Variants in CFH observed in about 807,000 individuals in gnomAD.
CFH encodes the protein complement factor H.
Under a neutral mutation model 147.3 loss-of-function variants are expected in CFH, and 53 were observed. The ratio of observed to expected loss-of-function variants is 0.36; its 90% confidence interval spans 0.29 to 0.45. The LOEUF is 0.45. Among genes scored for constraint, CFH ranks in the 20% least tolerant of loss-of-function variants. The probability of loss-of-function intolerance (pLI) is 1.00; values close to 1 mark genes in which losing one functional copy is unlikely to be tolerated. For synonymous variants in CFH, 536 were observed against 489.4 expected, an observed-to-expected ratio of 1.10 and a Z score of -1.26; for missense variants, 1,380 against 1,498.0, an observed-to-expected ratio of 0.92 and a Z score of 1.30.
At chr1:196,684,342 G>A (rs1289713082) in intron 6 of CFH, among the ~76,000 whole-genome samples, 2 of 151,902 alleles carry the variant, frequency 1.3e-5, no homozygotes, top group African/African-American at 2.4e-5. Context: ...CAAACCCTCT[G>A]CTATTTTATC....
intron 7 of CFH, among the ~76,000 whole-genome samples, chr1:196,686,352 G>A (rs1367204755): frequency 6.6e-6 from 1 of 152,030 alleles, no homozygotes; most frequent in Non-Finnish European, 1.5e-5. Context: ...GAGGAGTGTT[G>A]AAGGACTCCA....
intron 6 of CFH, among the ~76,000 whole-genome samples, chr1:196,683,754 G>A (rs575569341): frequency 2.6e-5 from 4 of 151,880 alleles, no homozygotes; most frequent in Admixed American, 1.3e-4. Context: ...ATAATGTTGA[G>A]GAGTGCTGGA....
rs371192606 is a variant in CFH at position 196,689,477 on chromosome 1, G to A, written c.1022G>A (p.Arg341His). Reference protein sequence around the residue: ...KHGGLYHENMRRPYFPVAVGK... With the variant: ...KHGGLYHENMHRPYFPVAVGK... The stretch of plus-strand genomic sequence containing the variant: ...GGAGGTCTATATCATGAGAATATGC[G>A]TAGACCATACTTTCCAGTAGCTGTA... The change falls in exon 8 of 22, where the codon CGT (arginine) becomes CAT (histidine). Residue 341 changes from arginine to histidine, a missense_variant. Arg to His is a conservative substitution (Grantham distance 29). Transcript: ENST00000367429. The A allele has an allele frequency of 2.2e-5, 35 of 1,613,216 alleles. 1 individual carries two copies. The highest frequency in any genetic ancestry group is 5.0e-5 in the Admixed American group (3 of 59,914).
chr1:196,706,558 C>T (rs1031242263), intron 9 of CFH, among the ~76,000 whole-genome samples: 1 of 152,162 alleles, frequency 6.6e-6, no homozygotes, highest in African/African-American at 2.4e-5. Flanking sequence ...TCGATTGAGA[C>T]TTTGACTCCA....
chr1:196,689,757 A>T, intron 8 of CFH, 143 bp downstream of exon 8: 1 of 900,878 alleles, frequency 1.1e-6, no homozygotes, highest in Non-Finnish European at 1.7e-6. Context: ...ACCAAAATAG[A>T]TCTTTTCTAT....
At chr1:196,680,311 C>CAA (rs34028773) in intron 6 of CFH, among the ~76,000 whole-genome samples, 100 of 93,648 alleles carry the variant, frequency 1.1e-3, no homozygotes, top group South Asian at 0.01. Flanking sequence ...GGAAAATTAC[C>CAA]AAAAAAAAAA....
intron 9 of CFH, among the ~76,000 whole-genome samples, chr1:196,704,593 G>A (rs761650246): frequency 6.6e-6 from 1 of 152,210 alleles, no homozygotes; most frequent in African/African-American, 2.4e-5. Flanking sequence ...GCAGATGGGA[G>A]GCCAGGGAAA....
chr1:196,737,524 T>A lies in CFH; in HGVS notation c.2646T>A (p.Asn882Lys). The A allele has an allele frequency of 6.2e-7, 1 of 1,613,382 alleles. No homozygotes were observed. Among genetic ancestry groups the A allele is most frequent in the Non-Finnish European group, 8.5e-7 (1 of 1,179,568 alleles). ...QPPQIEHGTI[N>K]SSRSSQESYA... The stretch of plus-strand genomic sequence containing the variant: ...CTCAGATAGAACACGGAACCATTAA[T>A]TCATCCAGGTCTTCACAAGAAAGTT... Residue 882 changes from asparagine (N) to lysine (K), a missense_variant, in exon 17 of 22, where the codon AAT becomes AAA. By Grantham distance (94) the Asn-to-Lys change is moderately conservative. Transcript: ENST00000367429.
chr1:196,674,076 C>A, intron 3 of CFH, 114 bp downstream of exon 3: 2 of 725,000 alleles, frequency 2.8e-6, no homozygotes, highest in Non-Finnish European at 2.3e-6. Flanking sequence ...AAAAGTAATA[C>A]ACAAGTACCT....
chr1:196,687,405 A>G (rs754131969), intron 7 of CFH, among the ~76,000 whole-genome samples: 8 of 152,108 alleles, frequency 5.3e-5, no homozygotes, highest in Non-Finnish European at 8.8e-5. Flanking sequence ...CAAATTAGAG[A>G]ATAGCTAAAT....
intron 11 of CFH, among the ~76,000 whole-genome samples, chr1:196,716,933 G>T (rs1025537028): frequency 6.6e-6 from 1 of 151,832 alleles, no homozygotes; most frequent in Admixed American, 6.6e-5. Context: ...TATGCATTTC[G>T]GAATATCATC....
Position 196,747,481 on chromosome 1 carries a change from C to A in CFH, c.*168C>A. 2.2e-6 allele frequency: 2 copies of A among 891,506 alleles called. No individual in the cohort carries two copies. Among genetic ancestry groups the A allele is most frequent in the Non-Finnish European group, 3.5e-6 (2 of 570,840 alleles). 55.2% of individuals were successfully genotyped at this position (891,506 alleles called of 1,614,324 possible). ...ACCGGTGGCTCTCTTCTTAAAAGCA[C>A]CATATTAAATCCTGGAAAACTAACG... On this transcript the variant is annotated 3_prime_UTR_variant, in exon 22 of 22. Transcript: ENST00000367429.
chr1:196,710,797 A>C (rs11584505), intron 9 of CFH, among the ~76,000 whole-genome samples: 24,668 of 151,910 alleles, frequency 0.16, 2,528 homozygotes, highest in East Asian at 0.48. Flanking sequence ...TATTTTAAGC[A>C]TACAGATCCT....
intron 1 of CFH, among the ~76,000 whole-genome samples, chr1:196,667,784 T>C (rs1373437566): frequency 6.6e-6 from 1 of 152,176 alleles, no homozygotes; most frequent in East Asian, 1.9e-4. Flanking sequence ...TTTAATCAAA[T>C]AGTCTTGACT....
intron 7 of CFH, 51 bp downstream of exon 7, chr1:196,685,288 A>C: frequency 6.3e-7 from 1 of 1,575,154 alleles, no homozygotes; most frequent in Non-Finnish European, 8.7e-7. Context: ...AATTTCTTTT[A>C]AACACATAAA....
Position 196,728,520 on chromosome 1 carries a change from C to A in CFH, c.2411C>A (p.Ser804Ter). The change falls in exon 15 of 22, where the codon TCA becomes TAA. Residue 804 changes from serine to a stop codon, truncating the protein, a stop_gained and splice_region_variant. Coordinates refer to ENST00000367429, the MANE Select transcript of CFH (RefSeq NM_000186.4). LOFTEE classifies it high-confidence loss of function. ...NGRWDPEVNC[S>*]MAQIQLCPPP... ...AGATGGGATCCAGAAGTGAACTGCT[C>A]AAGTAAGCTCTTATTTTGTTTTCAG... The A allele has an allele frequency of 1.9e-6, 3 of 1,612,144 alleles. No homozygotes were observed. The South Asian group carries it at 3.3e-5, about 18-fold the overall frequency.
intron 1 of CFH, among the ~76,000 whole-genome samples, chr1:196,664,936 GAAGT>G (rs1293103978): frequency 1.3e-5 from 2 of 151,760 alleles, no homozygotes; most frequent in African/African-American, 4.8e-5. Flanking sequence ...GCTTTTTAGT[GAAGT>G]AATAGTCATT....
chr1:196,729,315 T>C (rs1669226837), intron 15 of CFH, among the ~76,000 whole-genome samples: 1 of 152,128 alleles, frequency 6.6e-6, no homozygotes, highest in Non-Finnish European at 1.5e-5. Context: ...TGAAGTTTTA[T>C]AGTTTTAGCC....
chr1:196,711,728 T>C lies in CFH; in HGVS notation c.1337-2007T>C, dbSNP rs375853943. 2.0e-5 allele frequency among the ~76,000 whole-genome samples: 3 copies of C among 152,230 alleles called. No homozygotes were observed. In the East Asian group the frequency reaches 5.8e-4, roughly 29 times the overall value. On this transcript the variant is annotated intron_variant, in intron 9 of 21. Transcript: ENST00000367429. ...ACCTAGATGTTCAAACGAGTCTTTC[T>C]ACTCTGATTGATTCCATTTAAATGT... is the stretch of plus-strand genomic sequence containing the variant.
Sources: allele counts gnomAD v4.1 joint callset (sites outside exome capture counted in the v4.1 genomes callset), GRCh38; gene constraint gnomAD v4.1.1; transcripts MANE v1.5; gene names NCBI Gene and HGNC (gene_info 2026-07-23, HGNC 2026-07-21).